Variants in RANBP3 observed in about 807,000 individuals in gnomAD.
The protein encoded by RANBP3 is RAN binding protein 3.
Under a neutral mutation model 77.3 loss-of-function variants are expected in RANBP3, and 14 were observed. That is an observed-to-expected ratio of 0.18 (90% confidence interval 0.12 to 0.28). The LOEUF is 0.28. RANBP3 is among the 10% of genes least tolerant of loss of function. The pLI, the probability that RANBP3 is intolerant of heterozygous loss-of-function variation, is 1.00. For synonymous variants in RANBP3, 315 were observed against 312.4 expected (o/e 1.01, Z -0.09); for missense variants, 586 against 752.3 (o/e 0.78, Z 2.59).
In RANBP3 at chr19:5,917,924, G is replaced by A; in HGVS notation, c.1530C>T (p.Ala510=). The change falls in exon 16 of 17, where the codon GCC becomes GCT. Residue 510 remains alanine (A), a synonymous_variant. Coordinates refer to ENST00000340578, the MANE Select transcript of RANBP3 (RefSeq NM_007322.3). The part of the protein sequence containing the change: ...LYAALHHRIL[A]LRSRVEQEQE... The stretch of plus-strand genomic sequence containing the variant: ...GCTCCTGCTCCACGCGGCTGCGCAG[G>A]GCCAGGATGCGGTGGTGCAGGGCTG... 6.2e-7 allele frequency: 1 copy of A among 1,612,686 alleles called. No homozygotes were observed. The highest frequency in any genetic ancestry group is 1.1e-5 in the South Asian group (1 of 90,976).
intron 1 of RANBP3, among the ~76,000 whole-genome samples, chr19:5,974,697 A>G (rs1599810859): frequency 6.6e-6 from 1 of 151,998 alleles, no homozygotes; most frequent in South Asian, 2.1e-4. Context: ...GAGGACACCT[A>G]CCCTCTACTA....
chr19:5,920,486 C>T (rs938833666), intron 14 of RANBP3, among the ~76,000 whole-genome samples: 1 of 152,170 alleles, frequency 6.6e-6, no homozygotes, highest in African/African-American at 2.4e-5. Context: ...TAAATGTCCA[C>T]CAATAGGGAA....
chr19:5,926,200 A>T (rs2057907300), intron 9 of RANBP3, among the ~76,000 whole-genome samples: 1 of 151,894 alleles, frequency 6.6e-6, no homozygotes, highest in South Asian at 2.1e-4. Context: ...TGGGAGGGGG[A>T]TGTTAGGGAC....
chr19:5,942,700 CAAA>C (rs11298054), intron 3 of RANBP3, among the ~76,000 whole-genome samples: 5 of 90,826 alleles, frequency 5.5e-5, no homozygotes, highest in Non-Finnish European at 6.5e-5. Context: ...GACTCTGTCT[CAAA>C]AAAAAAAAAA....
At position 5,952,676 on chromosome 19, in the gene RANBP3, G is replaced by A. The variant is rs1293726595; in HGVS notation, c.79-1080C>T. 6.6e-6 allele frequency among the ~76,000 whole-genome samples: 1 copy of A among 152,150 alleles called. No homozygotes were observed. The highest frequency in any genetic ancestry group is 1.5e-5 in the Non-Finnish European group (1 of 68,026). On this transcript the variant is annotated intron_variant, in intron 2 of 16. Coordinates refer to ENST00000340578, the MANE Select transcript of RANBP3 (RefSeq NM_007322.3). This position sits in a 1 kb window ranked among gnomAD's most constrained non-coding sequence, Gnocchi z 4.1. ...TGTGAAGTGGCTGACCTCTTTAGAC[G>A]GGGTTTGGGCACTACTTAAAAAGCA... is the stretch of plus-strand genomic sequence containing the variant.
chr19:5,969,028 G>A (rs1025623152), intron 1 of RANBP3, among the ~76,000 whole-genome samples: 2 of 152,216 alleles, frequency 1.3e-5, no homozygotes, highest in Admixed American at 1.3e-4. Flanking sequence ...GATGAGCCAG[G>A]TGAAGGCAGG....
chr19:5,928,134 C>G, intron 8 of RANBP3, 47 bp from the exon 9 acceptor site: 1 of 1,587,840 alleles, frequency 6.3e-7, no homozygotes, highest in Non-Finnish European at 8.6e-7. Context: ...CAGTGCCACA[C>G]TTGGCCCAGA....
chr19:5,958,232 CTGAGAGCGGGCGTGTA>C lies in RANBP3; in HGVS notation c.23-275_23-260del. 6.6e-6 allele frequency among the ~76,000 whole-genome samples: 1 copy of C among 152,170 alleles called. No individual in the cohort carries two copies. Among genetic ancestry groups the C allele is most frequent in the East Asian group, 1.9e-4 (1 of 5,194 alleles). ...ATCAATAAGGAGTTTTCAAGACTCA[CTGAGAGCGGGCGTGTA>C]AATGGGAGTGGGAGAGCAGCGGAGA... On this transcript the variant is annotated intron_variant, in intron 1 of 16. Transcript: ENST00000340578. The surrounding 1 kb of genome is among the most constrained non-coding windows in gnomAD (Gnocchi z 4.4).
Position 5,927,780 on chromosome 19 carries a change from G to C in RANBP3, c.813+188C>G, listed in dbSNP as rs559738460. On this transcript the variant is annotated intron_variant, in intron 9 of 16. Transcript: ENST00000340578. ...GGCTCCGAAGCCTGGGCTGCTGGTG[G>C]GGAAGTGCCAGGGCCCAGCACACGC... is the stretch of plus-strand genomic sequence containing the variant. Among the ~76,000 whole-genome samples, 93 of 152,302 alleles carry C rather than the reference G, an allele frequency of 6.1e-4. No homozygotes were observed. In the South Asian group the frequency reaches 0.019, roughly 31 times the overall value.
chr19:5,968,190 C>T (rs1800002037), intron 1 of RANBP3, among the ~76,000 whole-genome samples: 2 of 152,108 alleles, frequency 1.3e-5, no homozygotes, highest in African/African-American at 2.4e-5. Context: ...GGAATCCCCT[C>T]CTCTCTACAC....
At chr19:5,977,809 G>A (rs946415263) in intron 1 of RANBP3, among the ~76,000 whole-genome samples, 3 of 152,212 alleles carry the variant, frequency 2.0e-5, no homozygotes, top group African/African-American at 4.8e-5. Flanking sequence ...TTAGGGCTGC[G>A]ATCCCGATGG....
chr19:5,919,135 T>C (rs1281722781), intron 14 of RANBP3, among the ~76,000 whole-genome samples: 2 of 152,234 alleles, frequency 1.3e-5, no homozygotes, highest in Non-Finnish European at 2.9e-5. Flanking sequence ...CCCTGCCCTC[T>C]GGTTTCCTTA....
At chr19:5,923,959 T>C (rs758602372) in intron 11 of RANBP3, 45 bp from the exon 12 acceptor site, 1 of 1,469,314 alleles carries the variant, frequency 6.8e-7, no homozygotes, top group Non-Finnish European at 9.5e-7. Context: ...ACTTGTGTGG[T>C]CCTTCAGCAG....
intron 1 of RANBP3, among the ~76,000 whole-genome samples, chr19:5,963,944 G>A (rs1241614941): frequency 6.6e-6 from 1 of 152,176 alleles, no homozygotes; most frequent in African/African-American, 2.4e-5. Context: ...TTGTGATCCT[G>A]TGATGATCAC....
rs73920095 is a variant in RANBP3 at position 5,944,741 on chromosome 19, C to T, written c.283-2906G>A. Among the ~76,000 whole-genome samples, 158 of 152,370 alleles carry T rather than the reference C, an allele frequency of 1.0e-3. 1 individual carries two copies. The highest frequency in any genetic ancestry group is 3.8e-3 in the African/African-American group (157 of 41,590). ...TCGGACACCGCACTGCTCGCCTCAC[C>T]TCTGGCTTCCCTGGCCTCACCAGTC... On this transcript the variant is annotated intron_variant, in intron 3 of 16. Coordinates refer to ENST00000340578, the MANE Select transcript of RANBP3 (RefSeq NM_007322.3).
At chr19:5,933,285 G>T in intron 6 of RANBP3, 129 bp downstream of exon 6, 1 of 710,868 alleles carries the variant, frequency 1.4e-6, no homozygotes, top group Non-Finnish European at 2.3e-6. Flanking sequence ...ACTTTCCAGG[G>T]CTCGTGGGTC....
intron 1 of RANBP3, chr19:5,965,878 A>G (rs1222706767): frequency 6.6e-6 from 1 of 152,198 alleles, no homozygotes; most frequent in Non-Finnish European, 1.5e-5. Context: ...GCATCATGTC[A>G]CCTAATCTCC....
chr19:5,962,986 G>A (rs1445925611), intron 1 of RANBP3, among the ~76,000 whole-genome samples: 1 of 152,162 alleles, frequency 6.6e-6, no homozygotes, highest in Admixed American at 6.5e-5. Context: ...CCAGAAGTAG[G>A]GAGGCTTCAA....
intron 14 of RANBP3, among the ~76,000 whole-genome samples, chr19:5,919,817 C>T (rs771362962): frequency 1.3e-5 from 2 of 149,954 alleles, no homozygotes; most frequent in Admixed American, 6.7e-5. Flanking sequence ...AGGAGAATCG[C>T]GTGAACCTGG....
Sources: allele counts gnomAD v4.1 joint callset (sites outside exome capture counted in the v4.1 genomes callset), GRCh38; gene constraint gnomAD v4.1.1; non-coding constraint Gnocchi (gnomAD v3.1); transcripts MANE v1.5; gene names NCBI Gene and HGNC (gene_info 2026-07-23, HGNC 2026-07-21).